Variants in PBX3 observed in about 807,000 individuals in gnomAD.
The protein encoded by PBX3 is PBX homeobox 3, also known as pre-B-cell leukemia transcription factor 3.
PBX3 carries 14 observed loss-of-function variants against 48.5 expected under a neutral mutation model. The observed-to-expected ratio is 0.29, with a 90% CI of 0.19 to 0.45. The LOEUF is 0.45. Among genes scored for constraint, PBX3 ranks in the 20% least tolerant of loss-of-function variants. The pLI is 1.00. For synonymous variants in PBX3, 210 were observed against 200.3 expected, an observed-to-expected ratio of 1.05 and a Z score of -0.41; for missense variants, 386 against 546.7, an observed-to-expected ratio of 0.71 and a Z score of 2.93.
intron 4 of PBX3, among the ~76,000 whole-genome samples, chr9:125,933,396 G>A (rs1047791469): frequency 2.8e-4 from 43 of 152,172 alleles, no homozygotes; most frequent in Non-Finnish European, 5.6e-4. Context: ...GAGCTATTCC[G>A]TTTGTTCTCT....
intron 2 of PBX3, among the ~76,000 whole-genome samples, chr9:125,758,569 A>G (rs1836582961): frequency 6.6e-6 from 1 of 152,198 alleles, no homozygotes; most frequent in Non-Finnish European, 1.5e-5. Context: ...ATGTGAAAAA[A>G]AGATAAGATG....
intron 5 of PBX3, among the ~76,000 whole-genome samples, chr9:125,952,410 A>G (rs1278832635): frequency 6.6e-6 from 1 of 152,176 alleles, no homozygotes; most frequent in Non-Finnish European, 1.5e-5. Context: ...CTTTTATTTA[A>G]TGTTGTTATT....
chr9:125,782,109 C>A (rs1837337230), intron 2 of PBX3, among the ~76,000 whole-genome samples: 1 of 152,112 alleles, frequency 6.6e-6, no homozygotes, highest in South Asian at 2.1e-4. Context: ...TAAAGACATA[C>A]CCAAGAGTGA....
At chr9:125,824,436 G>A (rs1838748353) in intron 2 of PBX3, among the ~76,000 whole-genome samples, 1 of 152,194 alleles carries the variant, frequency 6.6e-6, no homozygotes, top group African/African-American at 2.4e-5. Flanking sequence ...TCAAAGGAAA[G>A]TATACCTTTC....
At chr9:125,937,226 T>G (rs895511303) in intron 5 of PBX3, among the ~76,000 whole-genome samples, 1 of 152,220 alleles carries the variant, frequency 6.6e-6, no homozygotes, top group Non-Finnish European at 1.5e-5. Flanking sequence ...ACTTCACACT[T>G]TGTGTGTAGT....
intron 3 of PBX3, 29 bp from the exon 4 acceptor site, chr9:125,929,626 A>G (rs1841670088): frequency 6.5e-7 from 1 of 1,541,332 alleles, no homozygotes. Flanking sequence ...GATAGTTTCC[A>G]AAGGAGTGAT....
chr9:125,920,740 G>A (rs541951156), intron 3 of PBX3, among the ~76,000 whole-genome samples: 6 of 152,256 alleles, frequency 3.9e-5, no homozygotes, highest in South Asian at 4.1e-4. Flanking sequence ...TTCTGAGTTC[G>A]CAGATGTCAT....
chr9:125,798,260 A>G (rs1837840092), intron 2 of PBX3, among the ~76,000 whole-genome samples: 1 of 152,172 alleles, frequency 6.6e-6, no homozygotes, highest in Non-Finnish European at 1.5e-5. Context: ...TATGAAATAT[A>G]CTGATGGCTA....
Position 125,870,171 on chromosome 9 carries a change from G to T in PBX3, c.275-45515G>T, listed in dbSNP as rs544827652. 3.3e-5 allele frequency among the ~76,000 whole-genome samples: 5 copies of T among 151,304 alleles called. No homozygotes were observed. The South Asian group carries it at 1.0e-3, about 32-fold the overall frequency. On this transcript the variant is annotated intron_variant, in intron 2 of 8. Transcript: ENST00000373489. ...GCAACCTCTGTCTCATGGGTTCAAG[G>T]GATTCTCCTGCCTCAGCCTTCCAAG...
At chr9:125,915,133 G>A (rs10987026) in intron 2 of PBX3, among the ~76,000 whole-genome samples, 9,340 of 152,060 alleles carry the variant, frequency 0.061, 672 homozygotes, top group East Asian at 0.17. Context: ...CTCATAATGT[G>A]TGTATTCCTC....
chr9:125,780,796 G>A (rs1256303473), intron 2 of PBX3, among the ~76,000 whole-genome samples: 74 of 145,898 alleles, frequency 5.1e-4, no homozygotes, highest in Non-Finnish European at 9.9e-4. Context: ...CCTCCCTCCC[G>A]GACGGGGCGG....
At chr9:125,773,144 TAGAA>T (rs1377780160) in intron 2 of PBX3, among the ~76,000 whole-genome samples, 1 of 152,138 alleles carries the variant, frequency 6.6e-6, no homozygotes, top group Admixed American at 6.5e-5. Context: ...TTTGGAAACT[TAGAA>T]GGAATATATT....
chr9:125,838,255 T>C (rs1351094239), intron 2 of PBX3, among the ~76,000 whole-genome samples: 1 of 152,184 alleles, frequency 6.6e-6, no homozygotes, highest in Non-Finnish European at 1.5e-5. Context: ...TCTTACTGTG[T>C]TGGCCGGGGC....
chr9:125,842,598 A>C lies in PBX3; in HGVS notation c.275-73088A>C, dbSNP rs1839318256. 4.6e-5 allele frequency among the ~76,000 whole-genome samples: 7 copies of C among 152,298 alleles called. No individual in the cohort carries two copies. The South Asian group carries it at 1.4e-3, about 32-fold the overall frequency. On this transcript the variant is annotated intron_variant, in intron 2 of 8. Transcript: ENST00000373489. ...CATTAGTAGGAGAGGACTAAGGAGA[A>C]ATGCACAAGGCAGTTTTTAGGAGAG...
intron 4 of PBX3, 114 bp from the exon 5 acceptor site, chr9:125,935,358 C>G (rs938741839): frequency 2.3e-6 from 2 of 860,012 alleles, no homozygotes; most frequent in Non-Finnish European, 3.6e-6. Context: ...TAAATTAGAC[C>G]TTAAGGATGT....
At chr9:125,923,872 GT>G (rs990713321) in intron 3 of PBX3, among the ~76,000 whole-genome samples, 19 of 151,532 alleles carry the variant, frequency 1.3e-4, no homozygotes, top group African/African-American at 4.4e-4. Context: ...AGCCTATTTT[GT>G]TTTATTTTAG....
chr9:125,889,931 G>A (rs1024679613), intron 2 of PBX3, among the ~76,000 whole-genome samples: 1 of 150,598 alleles, frequency 6.6e-6, no homozygotes, highest in Non-Finnish European at 1.5e-5. Flanking sequence ...GCCCTGAGCG[G>A]TCCCCCGCGC....
intron 2 of PBX3, among the ~76,000 whole-genome samples, chr9:125,910,762 A>T (rs1488439197): frequency 6.7e-6 from 1 of 150,318 alleles, no homozygotes; most frequent in Non-Finnish European, 1.5e-5. Context: ...GGGCAACTAG[A>T]TCACCTGCCA....
chr9:125,851,323 AAATC>A (rs1158349737), intron 2 of PBX3, among the ~76,000 whole-genome samples: 2 of 152,130 alleles, frequency 1.3e-5, no homozygotes, highest in African/African-American at 2.4e-5. Flanking sequence ...TTTAAAATCT[AAATC>A]AACATTATAT....
Sources: allele counts gnomAD v4.1 joint callset (sites outside exome capture counted in the v4.1 genomes callset), GRCh38; gene constraint gnomAD v4.1.1; transcripts MANE v1.5; gene names NCBI Gene and HGNC (gene_info 2026-07-23, HGNC 2026-07-21).